FGF14: variants seen among roughly 807,000 people sequenced by gnomAD.
FGF14 encodes the protein fibroblast growth factor homologous factor 4.
FGF14 carries 5 observed loss-of-function variants against 25.5 expected under a neutral mutation model. The observed-to-expected ratio is 0.20, with a 90% CI of 0.10 to 0.41. FGF14 has a LOEUF of 0.41. Ranked by LOEUF, FGF14 falls within the 10% of genes least tolerant of loss-of-function variation. The pLI, the probability that FGF14 is intolerant of heterozygous loss-of-function variation, is 1.00. For synonymous variants in FGF14, 138 were observed against 118.3 expected (o/e 1.17, Z -1.08); for missense variants, 222 against 320.1 (o/e 0.69, Z 2.34).
At chr13:102,049,745 A>AC (rs563131118) in intron 1 of FGF14, among the ~76,000 whole-genome samples, 189 of 151,896 alleles carry the variant, frequency 1.2e-3, no homozygotes, top group African/African-American at 3.8e-3. Flanking sequence ...ACACACACGC[A>AC]CCCCCCCACA....
intron 1 of FGF14, among the ~76,000 whole-genome samples, chr13:101,895,539 C>T (rs2030513506): frequency 6.6e-6 from 1 of 152,144 alleles, no homozygotes; most frequent in South Asian, 2.1e-4. Context: ...AAGAATCACT[C>T]AAAATCTTAA....
chr13:102,124,673 C>G (rs2045877771), intron 1 of FGF14, among the ~76,000 whole-genome samples: 1 of 152,102 alleles, frequency 6.6e-6, no homozygotes, highest in South Asian at 2.1e-4. Flanking sequence ...CATCCAGGAG[C>G]AGGAGGGCCA....
intron 1 of FGF14, among the ~76,000 whole-genome samples, chr13:101,953,642 G>A (rs548634064): frequency 6.6e-6 from 1 of 150,760 alleles, no homozygotes; most frequent in East Asian, 2.0e-4. Flanking sequence ...CCAGGCTGGA[G>A]TACAATGGCG....
At chr13:102,272,763 C>CTA (rs1293310597) in intron 1 of FGF14, among the ~76,000 whole-genome samples, 29 of 151,802 alleles carry the variant, frequency 1.9e-4, no homozygotes, top group Admixed American at 1.2e-3. Flanking sequence ...AGTGATATAT[C>CTA]TATATATATC....
chr13:101,926,243 CACTT>C (rs955942887), intron 1 of FGF14, among the ~76,000 whole-genome samples: 46 of 152,324 alleles, frequency 3.0e-4, no homozygotes, highest in African/African-American at 1.0e-3. Context: ...TAGCCTTTGA[CACTT>C]ACCCACGCCC....
chr13:102,255,251 AG>A (rs1243365589), intron 1 of FGF14, among the ~76,000 whole-genome samples: 1 of 152,208 alleles, frequency 6.6e-6, no homozygotes, highest in Non-Finnish European at 1.5e-5. Flanking sequence ...GGGAGAGGAA[AG>A]GCCAGAAGGG....
intron 1 of FGF14, among the ~76,000 whole-genome samples, chr13:102,073,909 T>C (rs1566651088): frequency 6.6e-6 from 1 of 152,172 alleles, no homozygotes; most frequent in African/African-American, 2.4e-5. Flanking sequence ...AGGGAAATAA[T>C]AGTTGTATCA....
intron 3 of FGF14, among the ~76,000 whole-genome samples, chr13:101,740,058 C>T (rs961101202): frequency 6.6e-6 from 1 of 152,216 alleles, no homozygotes; most frequent in Non-Finnish European, 1.5e-5. Context: ...ACCCCTGTCA[C>T]GTATCCCCTA....
chr13:101,851,835 G>A (rs574917571), intron 3 of FGF14, among the ~76,000 whole-genome samples: 3 of 152,168 alleles, frequency 2.0e-5, no homozygotes, highest in African/African-American at 7.2e-5. Flanking sequence ...TTTAAATAGT[G>A]ACCTAAATGA....
intron 1 of FGF14, among the ~76,000 whole-genome samples, chr13:102,365,714 T>A (rs1307553477): frequency 2.0e-5 from 3 of 152,160 alleles, no homozygotes; most frequent in African/African-American, 7.2e-5. Flanking sequence ...GGGGATCTCC[T>A]ACTTCCAACC....
At chr13:102,229,024 T>C (rs2050954620) in intron 1 of FGF14, among the ~76,000 whole-genome samples, 2 of 152,192 alleles carry the variant, frequency 1.3e-5, no homozygotes, top group African/African-American at 4.8e-5. Flanking sequence ...CCTTCTGTAT[T>C]GAGGAAGCAG....
chr13:102,050,876 T>C (rs745717187), intron 1 of FGF14, among the ~76,000 whole-genome samples: 3 of 152,224 alleles, frequency 2.0e-5, no homozygotes, highest in African/African-American at 7.2e-5. Flanking sequence ...AAGGTGGACC[T>C]ATCAATATCA....
chr13:101,949,396 GA>G (rs2036015238), intron 1 of FGF14, among the ~76,000 whole-genome samples: 1 of 152,084 alleles, frequency 6.6e-6, no homozygotes, highest in Non-Finnish European at 1.5e-5. Context: ...TATTCTTCCT[GA>G]GTGCTTCTCA....
intron 1 of FGF14, among the ~76,000 whole-genome samples, chr13:101,884,314 C>T (rs1051229140): frequency 2.0e-5 from 3 of 151,696 alleles, no homozygotes; most frequent in African/African-American, 4.8e-5. Flanking sequence ...ACAGGGTGGG[C>T]CTGGGGAAAA....
At chr13:102,195,862 T>A (rs2049327849) in intron 1 of FGF14, among the ~76,000 whole-genome samples, 1 of 151,850 alleles carries the variant, frequency 6.6e-6, no homozygotes, top group Non-Finnish European at 1.5e-5. Context: ...ATGGCAGATG[T>A]AAAGCTTACT....
intron 1 of FGF14, among the ~76,000 whole-genome samples, chr13:102,136,658 T>TG (rs11478616): frequency 2.2e-5 from 3 of 133,800 alleles, no homozygotes; most frequent in Non-Finnish European, 3.2e-5. Flanking sequence ...ATAAATTCTA[T>TG]GGGAAAAAAA....
intron 1 of FGF14, among the ~76,000 whole-genome samples, chr13:102,015,376 C>T (rs775331464): frequency 1.4e-4 from 21 of 152,160 alleles, no homozygotes; most frequent in Non-Finnish European, 2.9e-4. Context: ...ACAGGCTCTA[C>T]ACTTGAAAAT....
At chr13:102,330,068 T>A (rs1396848609) in intron 1 of FGF14, among the ~76,000 whole-genome samples, 1 of 152,138 alleles carries the variant, frequency 6.6e-6, no homozygotes, top group Non-Finnish European at 1.5e-5. Flanking sequence ...GGACCCTTAA[T>A]GCTGACAGGC....
chr13:101,811,262 C>T (rs2041497047), intron 3 of FGF14, among the ~76,000 whole-genome samples: 1 of 152,180 alleles, frequency 6.6e-6, no homozygotes, highest in South Asian at 2.1e-4. Context: ...CTGTGCTCCA[C>T]CAATTTATTT....
Sources: gnomAD v4.1 joint callset for allele counts (sites outside exome capture counted in the v4.1 genomes callset) on GRCh38, gnomAD v4.1.1 for gene constraint, MANE v1.5 for transcripts, NCBI Gene and HGNC (gene_info 2026-07-23, HGNC 2026-07-21) for gene names.